The following DYRK1A variants were observed in gnomAD, a reference collection of about 807,000 sequenced individuals.
DYRK1A encodes dual specificity tyrosine phosphorylation regulated kinase 1A, also known as dual specificity tyrosine-phosphorylation-regulated kinase 1A.
Under a neutral mutation model 79.7 loss-of-function variants are expected in DYRK1A, and 9 were observed. The observed-to-expected ratio is 0.11, with a 90% CI of 0.07 to 0.20. The LOEUF (loss-of-function observed/expected upper bound fraction) is 0.20, where lower values mean the gene tolerates loss of function less well. Among genes scored for constraint, DYRK1A ranks in the 10% least tolerant of loss-of-function variants. The pLI is 1.00. For missense variants in DYRK1A, 622 were observed against 956.0 expected, an observed-to-expected ratio of 0.65 and a Z score of 4.61; for synonymous variants, 349 against 329.7, an observed-to-expected ratio of 1.06 and a Z score of -0.63.
chr21:37,411,049 TAAAAAAAAAAAAAAAA>T, intron 1 of DYRK1A, among the ~76,000 whole-genome samples: 1 of 56,442 alleles, frequency 1.8e-5, no homozygotes, highest in East Asian at 8.1e-4. Flanking sequence ...ATTCTGTCTT[TAAAAAAAAAAAAAAAA>T]AAAAAAAAAA....
chr21:37,490,186 C>G lies in DYRK1A; in HGVS notation c.649C>G (p.Arg217Gly). The change falls in exon 7 of 12, where the codon CGC (arginine) becomes GGC (glycine). Residue 217 changes from arginine to glycine, a missense_variant. This residue lies in a region of DYRK1A where 138 missense variants were observed against 346.4 expected (regional missense o/e 0.40). Transcript: ENST00000647188. ...EMKYYIVHLK[R>G]HFMFRNHLCL... ...GTTTTCTCTTTCAGTGCATTTGAAA[C>G]GCCACTTTATGTTTCGAAACCATCT... 1 of 1,611,168 alleles carries G rather than the reference C, an allele frequency of 6.2e-7. No individual in the cohort carries two copies. The highest frequency in any genetic ancestry group is 8.5e-7 in the Non-Finnish European group (1 of 1,178,104).
intron 1 of DYRK1A, among the ~76,000 whole-genome samples, chr21:37,380,715 TTG>T (rs1419951821): frequency 6.6e-6 from 1 of 151,884 alleles, no homozygotes; most frequent in Non-Finnish European, 1.5e-5. Context: ...TGAACAAGAA[TTG>T]TCTCTCCTAA....
intron 9 of DYRK1A, among the ~76,000 whole-genome samples, chr21:37,498,289 T>C (rs1177318492): frequency 1.3e-5 from 2 of 152,212 alleles, no homozygotes; most frequent in Non-Finnish European, 2.9e-5. Context: ...TTCACCTTTG[T>C]GTACAGCAGT....
chr21:37,423,856 T>G (rs991252011), intron 2 of DYRK1A, among the ~76,000 whole-genome samples: 4 of 152,188 alleles, frequency 2.6e-5, no homozygotes, highest in African/African-American at 9.7e-5. Flanking sequence ...ATAATTCTTA[T>G]GCATACACTA....
intron 9 of DYRK1A, among the ~76,000 whole-genome samples, chr21:37,498,890 C>T (rs1248825213): frequency 6.6e-6 from 1 of 152,118 alleles, no homozygotes; most frequent in African/African-American, 2.4e-5. Flanking sequence ...ATTTGCATTT[C>T]TTCATGGCTA....
chr21:37,493,934 T>C (rs1027258123), intron 8 of DYRK1A, among the ~76,000 whole-genome samples: 1 of 34,802 alleles, frequency 2.9e-5, no homozygotes, highest in Non-Finnish European at 6.9e-5. Flanking sequence ...TTAATTCTTC[T>C]TTTTTTTTTT....
At chr21:37,388,684 G>T (rs750530713) in intron 1 of DYRK1A, among the ~76,000 whole-genome samples, 1 of 149,852 alleles carries the variant, frequency 6.7e-6, no homozygotes, top group Non-Finnish European at 1.5e-5. Context: ...TCGCTCTGTC[G>T]CCCAGGCTGG....
At chr21:37,446,895 T>C (rs923240119) in intron 2 of DYRK1A, among the ~76,000 whole-genome samples, 2 of 152,204 alleles carry the variant, frequency 1.3e-5, no homozygotes, top group African/African-American at 4.8e-5. Context: ...TCTGCTCCTT[T>C]TGTGCTCCCT....
At chr21:37,474,076 T>G (rs926065812) in intron 3 of DYRK1A, among the ~76,000 whole-genome samples, 1 of 152,206 alleles carries the variant, frequency 6.6e-6, no homozygotes, top group Non-Finnish European at 1.5e-5. Context: ...GTTTCACAGC[T>G]GAAAGGACTG....
intron 5 of DYRK1A, among the ~76,000 whole-genome samples, chr21:37,485,888 G>A (rs2052845831): frequency 6.6e-6 from 1 of 152,078 alleles, no homozygotes; most frequent in Non-Finnish European, 1.5e-5. Flanking sequence ...TATGGCGTTT[G>A]TGGCATTGTG....
chr21:37,510,766 A>G (rs1478306587), intron 11 of DYRK1A, among the ~76,000 whole-genome samples: 1 of 152,020 alleles, frequency 6.6e-6, no homozygotes, highest in Non-Finnish European at 1.5e-5. Context: ...TCCAGCAGGC[A>G]GAAGGACTTG....
At chr21:37,373,606 T>G (rs2049477267) in intron 1 of DYRK1A, among the ~76,000 whole-genome samples, 1 of 152,224 alleles carries the variant, frequency 6.6e-6, no homozygotes, top group Admixed American at 6.5e-5. Context: ...TACCATTTTC[T>G]TCATAGTACA....
intron 2 of DYRK1A, among the ~76,000 whole-genome samples, chr21:37,440,163 T>C (rs2051057679): frequency 7.6e-6 from 1 of 131,986 alleles, no homozygotes; most frequent in Admixed American, 7.8e-5. Flanking sequence ...TGAGACGGAG[T>C]TTCACTCTGT....
At chr21:37,472,607 G>T in intron 2 of DYRK1A, 77 bp from the exon 3 acceptor site, 1 of 1,246,558 alleles carries the variant, frequency 8.0e-7, no homozygotes, top group Admixed American at 2.6e-5. Flanking sequence ...TCTTATTTAA[G>T]GAACCATTAG....
At chr21:37,380,590 A>G (rs759884325) in intron 1 of DYRK1A, among the ~76,000 whole-genome samples, 2 of 152,194 alleles carry the variant, frequency 1.3e-5, no homozygotes, top group South Asian at 4.1e-4. Context: ...TGTTTGCTGA[A>G]TAAGACAAAG....
intron 7 of DYRK1A, among the ~76,000 whole-genome samples, chr21:37,491,687 T>G (rs1330381645): frequency 6.6e-6 from 1 of 152,210 alleles, no homozygotes; most frequent in African/African-American, 2.4e-5. Context: ...AATCAAGAGA[T>G]GCTCGTAGTT....
At chr21:37,368,014 C>T (rs1195376783) in intron 1 of DYRK1A, 3 of 155,310 alleles carry the variant, frequency 1.9e-5, no homozygotes, top group Non-Finnish European at 4.3e-5. Flanking sequence ...CCTCTCGGTC[C>T]CCACCAGTGT....
chr21:37,430,167 T>C, intron 2 of DYRK1A: 1 of 377,562 alleles, frequency 2.6e-6, no homozygotes, highest in Non-Finnish European at 3.6e-6. Flanking sequence ...TATTTCTTTT[T>C]ACCTCACAGC....
intron 7 of DYRK1A, 72 bp downstream of exon 7, chr21:37,490,533 G>C: frequency 1.5e-6 from 2 of 1,325,426 alleles, no homozygotes; most frequent in Non-Finnish European, 2.0e-6. Context: ...GTAGGTATTA[G>C]GTTGGCGCAA....
Sources: gnomAD v4.1 joint callset for allele counts (sites outside exome capture counted in the v4.1 genomes callset) on GRCh38, gnomAD v4.1.1 for gene constraint, gnomAD v4.1.1 regional missense constraint, MANE v1.5 for transcripts, NCBI Gene and HGNC (gene_info 2026-07-23, HGNC 2026-07-21) for gene names.